ZNF660: variants seen among roughly 807,000 people sequenced by gnomAD.
ZNF660 encodes the protein zinc finger protein 660.
In ZNF660, 24 loss-of-function variants were observed where a neutral mutation model predicts 23.2. The ratio of observed to expected loss-of-function variants is 1.04; its 90% CI spans 0.75 to 1.46. ZNF660 has a LOEUF of 1.46. Among genes scored for constraint, ZNF660 ranks in the 40% most tolerant of loss-of-function variants. ZNF660 has a pLI of 0.00. For missense variants in ZNF660, 373 were observed against 396.8 expected (o/e 0.94, Z 0.51); for synonymous variants, 117 against 131.4 (o/e 0.89, Z 0.75).
In ZNF660 at chr3:44,594,661, C is replaced by T; in HGVS notation, c.468C>T (p.His156=). Residue 156 remains histidine (H), a synonymous_variant, in exon 3 of 3, where the codon CAC becomes CAT. Transcript: ENST00000322734. ...SSGLISHHRV[H]TGEKPYSCIE... ...GCCTTATATCACATCACAGAGTTCA[C>T]ACCGGAGAGAAGCCCTATTCTTGTA... 1 of 1,613,752 alleles carries T rather than the reference C, an allele frequency of 6.2e-7. No homozygotes were observed. The highest frequency in any genetic ancestry group is 8.5e-7 in the Non-Finnish European group (1 of 1,179,920).
In ZNF660 at chr3:44,595,168, T is replaced by C. The variant is rs1700571957; in HGVS notation, c.975T>C (p.Asn325=). The C allele has an allele frequency of 3.2e-6, 5 of 1,578,394 alleles. No individual in the cohort carries two copies. The highest frequency in any genetic ancestry group is 4.3e-6 in the Non-Finnish European group (5 of 1,164,300). ...TTATTCAACACCAGAGGAAACATAA[T>C]GAGGAGAAAGAAACCTCATAAATAA... ...SQLIQHQRKH[N]EEKETS The change falls in exon 3 of 3, where the codon AAT becomes AAC. Residue 325 remains asparagine, a synonymous_variant. Transcript: ENST00000322734.
At chr3:44,588,857 A>G (rs1055318512) in intron 2 of ZNF660, among the ~76,000 whole-genome samples, 2 of 151,968 alleles carry the variant, frequency 1.3e-5, no homozygotes, top group African/African-American at 4.8e-5. Flanking sequence ...ATTCCTCTTC[A>G]CCTTGTCTAA....
chr3:44,599,138 AG>A lies in ZNF660; in HGVS notation c.*3950del, dbSNP rs1357423495. ...CTCACATTTATTCACTTACAGTTTT[AG>A]TACCCTGAATATTCCTGAGGAATAT... On this transcript the variant is annotated 3_prime_UTR_variant, in exon 3 of 3. Coordinates refer to ENST00000322734, the MANE Select transcript of ZNF660 (RefSeq NM_173658.4). The A allele has an allele frequency of 6.6e-6, 1 of 152,230 alleles. No individual in the cohort carries two copies. Among genetic ancestry groups the A allele is most frequent in the African/African-American group, 2.4e-5 (1 of 41,448 alleles). 9.4% of individuals were successfully genotyped at this position (152,230 alleles called of 1,614,324 possible).
At chr3:44,593,728 C>T (rs1195085278) in intron 2 of ZNF660, among the ~76,000 whole-genome samples, 1 of 150,944 alleles carries the variant, frequency 6.6e-6, no homozygotes. Context: ...TAGATGGCTC[C>T]AATTCAGGGA....
chr3:44,598,053 C>T lies in ZNF660; in HGVS notation c.*2864C>T, dbSNP rs1475316405. 1 of 152,262 alleles carries T rather than the reference C, an allele frequency of 6.6e-6. No individual in the cohort carries two copies. The highest frequency in any genetic ancestry group is 2.4e-5 in the African/African-American group (1 of 41,454). 9.4% of individuals were successfully genotyped at this position (152,262 alleles called of 1,614,324 possible). A position where few individuals can be genotyped will look rare whatever the true frequency, so the allele number is the denominator to read the frequency against. ...CAGAGTTTAGGCATGCAGCTCTTAC[C>T]ATCCTTTCAAGCCCTTTCATAATAC... On this transcript the variant is annotated 3_prime_UTR_variant, in exon 3 of 3. Coordinates refer to ENST00000322734, the MANE Select transcript of ZNF660 (RefSeq NM_173658.4).
Position 44,594,842 on chromosome 3 carries a change from C to G in ZNF660, c.649C>G (p.Pro217Ala), listed in dbSNP as rs375938341. Reference protein sequence around the residue: ...DHQRIHTGEKPYECDECGKTF... With the variant: ...DHQRIHTGEKAYECDECGKTF... ...TCAGAGAATTCACACTGGAGAGAAG[C>G]CTTATGAATGTGATGAGTGTGGAAA... Residue 217 changes from proline (P) to alanine (A), a missense_variant, in exon 3 of 3, where the codon CCT becomes GCT. By Grantham distance (27) the Pro-to-Ala change is conservative (BLOSUM62 -1). Coordinates refer to ENST00000322734, the MANE Select transcript of ZNF660 (RefSeq NM_173658.4). 8 of 1,613,996 alleles carry G rather than the reference C, an allele frequency of 5.0e-6. No individual in the cohort carries two copies. Among genetic ancestry groups the G allele is most frequent in the Admixed American group, 3.3e-5 (2 of 59,996 alleles).
rs1218253663 is a variant in ZNF660 at position 44,599,616 on chromosome 3, G to C, written c.*4427G>C. ...CAGACTGTCTTTAATAGCCTCTGAT[G>C]TTATAAAACTGGAGTCATGAAATTG... On this transcript the variant is annotated 3_prime_UTR_variant, in exon 3 of 3. Coordinates refer to ENST00000322734, the MANE Select transcript of ZNF660 (RefSeq NM_173658.4). The C allele has an allele frequency of 6.6e-6, 1 of 152,064 alleles. No homozygotes were observed. The highest frequency in any genetic ancestry group is 2.4e-5 in the African/African-American group (1 of 41,362). The allele number at this position is 152,064 out of a possible 1,614,324, so 9.4% of individuals were successfully genotyped here.
rs1410416192 is a variant in ZNF660, at chr3:44,599,082, T to C, written c.*3893T>C. On this transcript the variant is annotated 3_prime_UTR_variant, in exon 3 of 3. Coordinates refer to ENST00000322734, the MANE Select transcript of ZNF660 (RefSeq NM_173658.4). The stretch of plus-strand genomic sequence containing the variant: ...TATATATCACTAAACTACTGTGTAT[T>C]GCTCATTCTTGTTATTTGGTTTCTT... 6.6e-6 allele frequency: 1 copy of C among 152,206 alleles called. No homozygotes were observed. Among genetic ancestry groups the C allele is most frequent in the African/African-American group, 2.4e-5 (1 of 41,446 alleles). 9.4% of individuals were successfully genotyped at this position (152,206 alleles called of 1,614,324 possible).
At chr3:44,588,179 T>A (rs1700293428) in intron 2 of ZNF660, among the ~76,000 whole-genome samples, 1 of 152,154 alleles carries the variant, frequency 6.6e-6, no homozygotes, top group Non-Finnish European at 1.5e-5. Context: ...TCTGTTCAGT[T>A]TCTGGGGAGG....
intron 2 of ZNF660, among the ~76,000 whole-genome samples, chr3:44,592,527 A>C (rs554000967): frequency 6.6e-6 from 1 of 152,170 alleles, no homozygotes; most frequent in Non-Finnish European, 1.5e-5. Context: ...CCTTATTCTG[A>C]TGTTTGGTTT....
chr3:44,594,618 C>T lies in ZNF660; in HGVS notation c.425C>T (p.Ala142Val). ...KTYECKECGK[A>V]FSRSSGLISH... ...TATGAATGTAAAGAGTGTGGGAAAG[C>T]CTTTAGTCGGAGTTCGGGCCTTATA... is the stretch of plus-strand genomic sequence containing the variant. Residue 142 changes from alanine (A) to valine (V), a missense_variant, in exon 3 of 3, where the codon GCC (alanine) becomes GTC (valine). By Grantham distance (64) the Ala-to-Val change is moderately conservative. Coordinates refer to ENST00000322734, the MANE Select transcript of ZNF660 (RefSeq NM_173658.4). 6.2e-7 allele frequency: 1 copy of T among 1,613,910 alleles called. No homozygotes were observed. The highest frequency in any genetic ancestry group is 8.5e-7 in the Non-Finnish European group (1 of 1,179,992).
rs1365768532 is a variant in ZNF660 at position 44,596,358 on chromosome 3, TATG to T, written c.*1172_*1174del. 1 of 152,194 alleles carries T rather than the reference TATG, an allele frequency of 6.6e-6. No homozygotes were observed. Among genetic ancestry groups the T allele is most frequent in the Non-Finnish European group, 1.5e-5 (1 of 68,034 alleles). 9.4% of individuals were successfully genotyped at this position (152,194 alleles called of 1,614,324 possible). On this transcript the variant is annotated 3_prime_UTR_variant, in exon 3 of 3. Coordinates refer to ENST00000322734, the MANE Select transcript of ZNF660 (RefSeq NM_173658.4). ...GATTAAGTGAGTAATGCATGAAATA[TATG>T]ATAAGCCAGACACGTGGTAAATGAT...
intron 2 of ZNF660, among the ~76,000 whole-genome samples, chr3:44,591,849 T>C (rs554201156): frequency 6.6e-6 from 1 of 152,090 alleles, no homozygotes; most frequent in African/African-American, 2.4e-5. Context: ...ATACAAAAAC[T>C]AGCCAGGCGT....
rs775760290 is a variant in ZNF660 at position 44,594,670 on chromosome 3, G to T, written c.477G>T (p.Glu159Asp). ...CACATCACAGAGTTCACACCGGAGA[G>T]AAGCCCTATTCTTGTATTGAGTGTG... ...LISHHRVHTG[E>D]KPYSCIECGK... The change falls in exon 3 of 3, where the codon GAG becomes GAT. Residue 159 changes from glutamate to aspartate, a missense_variant. By Grantham distance (45) the Glu-to-Asp change is conservative. Coordinates refer to ENST00000322734, the MANE Select transcript of ZNF660 (RefSeq NM_173658.4). The T allele has an allele frequency of 6.2e-7, 1 of 1,614,130 alleles. No individual in the cohort carries two copies. The highest frequency in any genetic ancestry group is 8.5e-7 in the Non-Finnish European group (1 of 1,180,032).
Position 44,590,728 on chromosome 3 carries a change from G to A in ZNF660, c.-180-3286G>A, listed in dbSNP as rs2125748433. On this transcript the variant is annotated intron_variant, in intron 2 of 2. Transcript: ENST00000322734. ...GAAGTTCCAGAGAAGATGAGAAATT[G>A]AAAAGAAATTCAGAAAAAACTATCA... 3.3e-5 allele frequency among the ~76,000 whole-genome samples: 5 copies of A among 152,324 alleles called. No homozygotes were observed. The South Asian group carries it at 1.0e-3, about 32-fold the overall frequency.
At chr3:44,588,209 A>T (rs1386657020) in intron 2 of ZNF660, among the ~76,000 whole-genome samples, 1 of 152,190 alleles carries the variant, frequency 6.6e-6, no homozygotes, top group Non-Finnish European at 1.5e-5. Flanking sequence ...GCTTTTACTC[A>T]TGGTGGAAAG....
At position 44,595,455 on chromosome 3, in the gene ZNF660, A is replaced by C; in HGVS notation, c.*266A>C. 1 of 293,868 alleles carries C rather than the reference A, an allele frequency of 3.4e-6. No individual in the cohort carries two copies. Among genetic ancestry groups the C allele is most frequent in the Non-Finnish European group, 6.7e-6 (1 of 150,282 alleles). 18.2% of individuals were successfully genotyped at this position (293,868 alleles called of 1,614,324 possible). On this transcript the variant is annotated 3_prime_UTR_variant, in exon 3 of 3. Transcript: ENST00000322734. ...GCCATTGCAAACATTTTTAAAGACA[A>C]TTTAATGCCATGGGGAAATGATTGG...
At chr3:44,592,792 G>A (rs1004816536) in intron 2 of ZNF660, among the ~76,000 whole-genome samples, 3 of 152,176 alleles carry the variant, frequency 2.0e-5, no homozygotes, top group African/African-American at 4.8e-5. Flanking sequence ...GGTGGCTAAC[G>A]CCTGTAATCC....
rs749789250 is a variant in ZNF660 at position 44,596,661 on chromosome 3, C to A, written c.*1472C>A. 6.6e-6 allele frequency: 1 copy of A among 152,146 alleles called. No homozygotes were observed. The highest frequency in any genetic ancestry group is 1.5e-5 in the Non-Finnish European group (1 of 68,028). The allele number at this position is 152,146 out of a possible 1,614,324, so 9.4% of individuals were successfully genotyped here. On this transcript the variant is annotated 3_prime_UTR_variant, in exon 3 of 3. Transcript: ENST00000322734. Reference sequence around the variant, plus strand: ...CATGTTGACTTTCATTTTTCATAACCTCATGGTGGCAAGACAGTGGCCACA... The same window carrying A: ...CATGTTGACTTTCATTTTTCATAACATCATGGTGGCAAGACAGTGGCCACA...
Sources: gnomAD v4.1 joint callset for allele counts (sites outside exome capture counted in the v4.1 genomes callset) on GRCh38, gnomAD v4.1.1 for gene constraint, MANE v1.5 for transcripts, NCBI Gene and HGNC (gene_info 2026-07-23, HGNC 2026-07-21) for gene names.